MLPH: variants seen among roughly 807,000 people sequenced by gnomAD.
MLPH encodes melanophilin.
A neutral mutation model predicts 72.1 loss-of-function variants in MLPH; 51 were observed. That is an observed-to-expected ratio of 0.71 (90% CI 0.56 to 0.89). The LOEUF is 0.89. Among genes scored for constraint, MLPH ranks in the 40% least tolerant of loss-of-function variants. The pLI is 0.00. For synonymous variants in MLPH, 301 were observed against 310.1 expected (o/e 0.97, Z 0.31); for missense variants, 743 against 759.9 (o/e 0.98, Z 0.26).
At position 237,516,914 on chromosome 2, in the gene MLPH, A is replaced by AGGATGGATGGATGGATGGATGGAT. The variant is rs1157566183; in HGVS notation, c.446-1620_446-1597dup. Among the ~76,000 whole-genome samples the AGGATGGATGGATGGATGGATGGAT allele has an allele frequency of 1.6e-3, 192 of 119,296 alleles. 1 individual carries two copies. Among genetic ancestry groups the AGGATGGATGGATGGATGGATGGAT allele is most frequent in the African/African-American group, 6.4e-3 (165 of 25,770 alleles). The allele number at this position is 119,296 out of a possible 152,430, so 78.3% of individuals were successfully genotyped here. A position where few individuals can be genotyped will look rare whatever the true frequency, so the allele number is the denominator to read the frequency against. ...ATGGATGGTAGGATGGATGGATGGT[A>AGGATGGATGGATGGATGGATGGAT]GGATGGATGGATGGATGGATGGATG... On this transcript the variant is annotated intron_variant, in intron 4 of 15. Coordinates refer to ENST00000264605, the MANE Select transcript of MLPH (RefSeq NM_024101.7).
chr2:237,502,974 C>T (rs1379505405), intron 2 of MLPH, among the ~76,000 whole-genome samples: 3 of 151,986 alleles, frequency 2.0e-5, no homozygotes, highest in Non-Finnish European at 4.4e-5. Context: ...CAAAAATTAG[C>T]CAGCCATGAT....
At chr2:237,542,368 C>T (rs578059599) in intron 11 of MLPH, among the ~76,000 whole-genome samples, 199 bp from the exon 12 acceptor site, 1 of 152,188 alleles carries the variant, frequency 6.6e-6, no homozygotes, top group South Asian at 2.1e-4. Context: ...AACACCCCCC[C>T]CTTCTCAACA....
In MLPH at chr2:237,531,826, G is replaced by A. The variant is rs1255627616; in HGVS notation, c.1021-2738G>A. Among the ~76,000 whole-genome samples, 3 of 152,196 alleles carry A rather than the reference G, an allele frequency of 2.0e-5. No individual in the cohort carries two copies. In the East Asian group the frequency reaches 5.8e-4, roughly 29 times the overall value. On this transcript the variant is annotated intron_variant, in intron 8 of 15. Coordinates refer to ENST00000264605, the MANE Select transcript of MLPH (RefSeq NM_024101.7). The stretch of plus-strand genomic sequence containing the variant: ...TGAAGTTTTCACCTATGTAGAAATT[G>A]TAGCAGGATCACAACCTTGCAAAGG...
chr2:237,497,588 G>T lies in MLPH; in HGVS notation c.110+4052G>T, dbSNP rs189068286. Reference sequence around the variant, plus strand: ...CCAGGTGGTGTGGACGCTGTGCAAGGCCACAGAGGAAACAAGCATAGAAAA... The same window carrying T: ...CCAGGTGGTGTGGACGCTGTGCAAGTCCACAGAGGAAACAAGCATAGAAAA... On this transcript the variant is annotated intron_variant, in intron 2 of 15. Transcript: ENST00000264605. Among the ~76,000 whole-genome samples, 222 of 152,308 alleles carry T rather than the reference G, an allele frequency of 1.5e-3. 1 individual carries two copies. Among genetic ancestry groups the T allele is most frequent in the African/African-American group, 5.1e-3 (212 of 41,560 alleles).
Position 237,515,302 on chromosome 2 carries a change from C to T in MLPH, c.446-3237C>T, listed in dbSNP as rs186753743. Among the ~76,000 whole-genome samples the T allele has an allele frequency of 3.3e-4, 51 of 152,286 alleles. No homozygotes were observed. In the East Asian group the frequency reaches 7.8e-3, roughly 23 times the overall value. On this transcript the variant is annotated intron_variant, in intron 4 of 15. Coordinates refer to ENST00000264605, the MANE Select transcript of MLPH (RefSeq NM_024101.7). Reference sequence around the variant, plus strand: ...GCGTCGGTGATTGATTGAGTACATCCGCCGAATGCTCGCCAGGTGCCGGGT... The same window carrying T: ...GCGTCGGTGATTGATTGAGTACATCTGCCGAATGCTCGCCAGGTGCCGGGT...
chr2:237,493,502 T>A lies in MLPH; in HGVS notation c.76T>A (p.Phe26Ile). The A allele has an allele frequency of 6.2e-7, 1 of 1,613,968 alleles. No homozygotes were observed. Among genetic ancestry groups the A allele is most frequent in the South Asian group, 1.1e-5 (1 of 91,066 alleles). Residue 26 changes from phenylalanine to isoleucine, a missense_variant, in exon 2 of 16, where the codon TTT becomes ATT. By Grantham distance (21) the Phe-to-Ile change is conservative (BLOSUM62 0). Transcript: ENST00000264605. ...QHVLEVVQRD[F>I]DLRRKEEERL... is the part of the protein sequence containing the mutation. Reference sequence around the variant, plus strand: ...TGTCTTGGAAGTTGTTCAACGAGATTTTGACCTCCGAAGGAAAGAAGAGGA... The same window carrying A: ...TGTCTTGGAAGTTGTTCAACGAGATATTGACCTCCGAAGGAAAGAAGAGGA...
At chr2:237,514,127 G>A (rs1325765616) in intron 4 of MLPH, among the ~76,000 whole-genome samples, 1 of 152,168 alleles carries the variant, frequency 6.6e-6, no homozygotes. Flanking sequence ...AATAGGCTGA[G>A]TGGGGAACCT....
chr2:237,518,306 G>C, intron 4 of MLPH: 1 of 613,900 alleles, frequency 1.6e-6, no homozygotes, highest in Non-Finnish European at 3.0e-6. Context: ...TGGATAAATG[G>C]GTGGGTGGGT....
intron 2 of MLPH, among the ~76,000 whole-genome samples, chr2:237,502,668 A>C (rs2079676749): frequency 6.6e-6 from 1 of 152,222 alleles, no homozygotes; most frequent in African/African-American, 2.4e-5. Flanking sequence ...TAAAGGACAC[A>C]GCCTACAAAT....
chr2:237,518,678 G>T (rs748129822), intron 5 of MLPH, 30 bp downstream of exon 5: 1 of 1,556,064 alleles, frequency 6.4e-7, no homozygotes, highest in Non-Finnish European at 8.8e-7. Context: ...CCCCTCCTCA[G>T]CCACCTCGAT....
In MLPH at chr2:237,520,160, C is replaced by G. The variant is rs974552216; in HGVS notation, c.675+131C>G. On this transcript the variant is annotated intron_variant, in intron 6 of 15. Transcript: ENST00000264605. ...ACACAGTCCCACCTGGCTCCCAAGG[C>G]ATGACAGGGAAGGGGACCGATGTGG... The G allele has an allele frequency of 4.0e-6, 5 of 1,239,486 alleles. No individual in the cohort carries two copies. The African/African-American group carries it at 7.4e-5, about 18-fold the overall frequency. The allele number at this position is 1,239,486 out of a possible 1,614,324, so 76.8% of individuals were successfully genotyped here.
rs1574862315 is a variant in MLPH at position 237,518,666 on chromosome 2, A to C, written c.555+18A>C. On this transcript the variant is annotated intron_variant, in intron 5 of 15. Coordinates refer to ENST00000264605, the MANE Select transcript of MLPH (RefSeq NM_024101.7). ...GCAGCAAAGTAAGTCATCTCCAGCC[A>C]CCCCCTCCTCAGCCACCTCGATTCC... 1 of 1,591,364 alleles carries C rather than the reference A, an allele frequency of 6.3e-7. No homozygotes were observed. The highest frequency in any genetic ancestry group is 8.6e-7 in the Non-Finnish European group (1 of 1,163,996).
intron 8 of MLPH, among the ~76,000 whole-genome samples, chr2:237,530,594 A>G (rs67488171): frequency 0.15 from 23,449 of 152,082 alleles, 2,029 homozygotes; most frequent in South Asian, 0.31. Flanking sequence ...TCCTGCACCA[A>G]CTTCCTTGAG....
intron 8 of MLPH, among the ~76,000 whole-genome samples, chr2:237,530,602 G>C (rs1373721781): frequency 1.3e-5 from 2 of 152,150 alleles, no homozygotes; most frequent in African/African-American, 4.8e-5. Context: ...CAACTTCCTT[G>C]AGGGCCCACT....
chr2:237,545,165 G>GA (rs141663253), intron 12 of MLPH, among the ~76,000 whole-genome samples: 4 of 22,688 alleles, frequency 1.8e-4, no homozygotes, highest in African/African-American at 1.2e-3. Flanking sequence ...GTGGTGAGTG[G>GA]GGGGACAGTG....
At chr2:237,489,204 G>A (rs991981422) in intron 1 of MLPH, among the ~76,000 whole-genome samples, 2 of 152,210 alleles carry the variant, frequency 1.3e-5, no homozygotes, top group Admixed American at 6.5e-5. Flanking sequence ...CCATCCTTGC[G>A]GTAGAGACTA....
chr2:237,546,768 G>A, intron 13 of MLPH, 85 bp downstream of exon 13: 1 of 1,158,396 alleles, frequency 8.6e-7, no homozygotes, highest in Non-Finnish European at 1.3e-6. Context: ...AGTCCACGGG[G>A]TGGCAGAGAT....
In MLPH at chr2:237,541,226, C is replaced by T. The variant is rs968307797; in HGVS notation, c.1446+269C>T. Among the ~76,000 whole-genome samples, 1 of 149,348 alleles carries T rather than the reference C, an allele frequency of 6.7e-6. No homozygotes were observed. Among genetic ancestry groups the T allele is most frequent in the African/African-American group, 2.6e-5 (1 of 38,874 alleles). Reference sequence around the variant, plus strand: ...CAGGGTTTCCACCAAGAAAAAGGTGCTGAACACACAATCCCTGACCCAGGA... The same window carrying T: ...CAGGGTTTCCACCAAGAAAAAGGTGTTGAACACACAATCCCTGACCCAGGA... On this transcript the variant is annotated intron_variant, in intron 11 of 15. Coordinates refer to ENST00000264605, the MANE Select transcript of MLPH (RefSeq NM_024101.7). This position sits in a 1 kb window ranked among gnomAD's most constrained non-coding sequence, Gnocchi z 5.1.
chr2:237,527,082 A>T (rs1266695358), intron 7 of MLPH, among the ~76,000 whole-genome samples: 1 of 152,140 alleles, frequency 6.6e-6, no homozygotes, highest in African/African-American at 2.4e-5. Flanking sequence ...ATCTGGTGTT[A>T]TTTGCAATTT....
Sources: allele counts gnomAD v4.1 joint callset (sites outside exome capture counted in the v4.1 genomes callset), GRCh38; gene constraint gnomAD v4.1.1; non-coding constraint Gnocchi (gnomAD v3.1); transcripts MANE v1.5; gene names NCBI Gene and HGNC (gene_info 2026-07-23, HGNC 2026-07-21).